The following PTPA variants were observed in gnomAD, a reference collection of about 807,000 sequenced individuals.
PTPA encodes protein phosphatase 2 phosphatase activator, also known as serine/threonine-protein phosphatase 2A activator.
In PTPA, 13 loss-of-function variants were observed where a neutral mutation model predicts 43.6. The ratio of observed to expected loss-of-function variants is 0.30; its 90% CI spans 0.19 to 0.47. PTPA has a LOEUF of 0.47. Ranked by LOEUF, PTPA falls within the 20% of genes least tolerant of loss-of-function variation. The probability of loss-of-function intolerance (pLI) is 0.99; values close to 1 mark genes in which losing one functional copy is unlikely to be tolerated. For synonymous variants in PTPA, 172 were observed against 158.2 expected (o/e 1.09, Z -0.66); for missense variants, 329 against 411.9 (o/e 0.80, Z 1.74).
At position 129,111,495 on chromosome 9, in the gene PTPA, A is replaced by G; in HGVS notation, c.-106A>G. The G allele has an allele frequency of 1.6e-6, 2 of 1,265,368 alleles. No individual in the cohort carries two copies. The highest frequency in any genetic ancestry group is 6.8e-5 in the South Asian group (2 of 29,552). 78.4% of individuals were successfully genotyped at this position (1,265,368 alleles called of 1,614,324 possible). ...AGCCGGCCGGCGCTCACTTGTCTTC[A>G]GGAAGCTCGGAGCCTTTGGTGGAGC... On this transcript the variant is annotated 5_prime_UTR_variant, in exon 1 of 10. Coordinates refer to ENST00000393370, the MANE Select transcript of PTPA (RefSeq NM_178000.3).
chr9:129,146,112 G>A (rs1000704542), intron 9 of PTPA, among the ~76,000 whole-genome samples: 1 of 138,890 alleles, frequency 7.2e-6, no homozygotes, highest in Non-Finnish European at 1.7e-5. Context: ...CTTGGGGGGT[G>A]GGGGGGCTCT....
In PTPA at chr9:129,134,711, T is replaced by C. The variant is rs1467569139; in HGVS notation, c.461-84T>C. 7.2e-6 allele frequency: 8 copies of C among 1,116,870 alleles called. No homozygotes were observed. In the Admixed American group the frequency reaches 1.4e-4, roughly 19 times the overall value. 69.2% of individuals were successfully genotyped at this position (1,116,870 alleles called of 1,614,324 possible). On this transcript the variant is annotated intron_variant, in intron 5 of 9. Transcript: ENST00000393370. ...ACCACCCTCCTCAGAGGGGCACTTA[T>C]CAATGATTCGGATTCTGGGAGACTA...
chr9:129,143,018 C>A, intron 9 of PTPA: 1 of 1,097,092 alleles, frequency 9.1e-7, no homozygotes, highest in Non-Finnish European at 1.3e-6. Flanking sequence ...TGAGGGTAGG[C>A]CGAGAATTGG....
chr9:129,114,219 C>A (rs772161836), intron 1 of PTPA, among the ~76,000 whole-genome samples: 1 of 152,142 alleles, frequency 6.6e-6, no homozygotes, highest in Non-Finnish European at 1.5e-5. Flanking sequence ...GATGGGATTT[C>A]GCCGTGTGGG....
chr9:129,136,036 C>T lies in PTPA; in HGVS notation c.561-435C>T, dbSNP rs188674473. ...AGGCTGGAGTGCAGTGGAGAGATCT[C>T]GGCTCACTGCAAGCTCTGCCTCCTG... is the stretch of plus-strand genomic sequence containing the variant. On this transcript the variant is annotated intron_variant, in intron 6 of 9. Transcript: ENST00000393370. Among the ~76,000 whole-genome samples, 346 of 152,046 alleles carry T rather than the reference C, an allele frequency of 2.3e-3. 3 individuals are homozygous for T. The highest frequency in any genetic ancestry group is 6.8e-3 in the African/African-American group (280 of 41,464).
chr9:129,135,698 C>T (rs1029943772), intron 6 of PTPA, among the ~76,000 whole-genome samples: 4 of 152,236 alleles, frequency 2.6e-5, no homozygotes, highest in African/African-American at 7.2e-5. Context: ...ATCCCCATTG[C>T]GGGCCCCAGT....
In PTPA at chr9:129,121,087, C is replaced by T. The variant is rs17508763; in HGVS notation, c.129+477C>T. Among the ~76,000 whole-genome samples the T allele has an allele frequency of 2.1e-3, 316 of 152,338 alleles. 1 individual carries two copies. The highest frequency in any genetic ancestry group is 7.4e-3 in the African/African-American group (306 of 41,578). ...ACTGGGCACAGACTGGCTTTCTCTGCTGCTCAGCTGAAATGATGGGCAGAA... is the reference window on the plus strand; with the variant it reads ...ACTGGGCACAGACTGGCTTTCTCTGTTGCTCAGCTGAAATGATGGGCAGAA... On this transcript the variant is annotated intron_variant, in intron 2 of 9. Transcript: ENST00000393370.
At chr9:129,122,185 C>T (rs779286748) in intron 2 of PTPA, among the ~76,000 whole-genome samples, 2 of 152,096 alleles carry the variant, frequency 1.3e-5, no homozygotes, top group African/African-American at 4.8e-5. Flanking sequence ...TCTCTGCAGC[C>T]TCCACCTCTT....
chr9:129,144,225 A>AAC (rs1851123978), intron 9 of PTPA, among the ~76,000 whole-genome samples: 2 of 151,806 alleles, frequency 1.3e-5, no homozygotes, highest in African/African-American at 4.8e-5. Context: ...GTGTGGCAGG[A>AAC]ACACAGGGAC....
chr9:129,125,538 CG>C (rs1204839788), intron 3 of PTPA, among the ~76,000 whole-genome samples: 1 of 152,144 alleles, frequency 6.6e-6, no homozygotes, highest in African/African-American at 2.4e-5. Context: ...CTGCTGCGCC[CG>C]GCCCAGGTAT....
intron 4 of PTPA, among the ~76,000 whole-genome samples, chr9:129,129,720 C>T (rs950239287): frequency 2.6e-5 from 4 of 152,118 alleles, no homozygotes; most frequent in South Asian, 2.1e-4. Flanking sequence ...CCGCCCATCT[C>T]GGCCTCCCAA....
chr9:129,143,092 C>T, intron 9 of PTPA: 1 of 679,414 alleles, frequency 1.5e-6, no homozygotes, highest in Non-Finnish European at 2.4e-6. Context: ...AAATCAGATG[C>T]TGAGGAGAGG....
intron 3 of PTPA, chr9:129,128,126 A>T (rs1849703574): frequency 8.4e-7 from 1 of 1,184,676 alleles, no homozygotes; most frequent in Admixed American, 2.3e-5. Flanking sequence ...AGAGTTAGTC[A>T]CTTGCTCAAG....
intron 9 of PTPA, among the ~76,000 whole-genome samples, chr9:129,145,010 GCAACAGTGTGAGACTCCGTCT>G (rs895155485): frequency 6.6e-5 from 10 of 152,046 alleles, no homozygotes; most frequent in Admixed American, 6.6e-5. Context: ...TCCAGCCTGG[GCAACAGTGTGAGACTCCGTCT>G]CAAAGAAAAA....
intron 3 of PTPA, among the ~76,000 whole-genome samples, chr9:129,124,610 G>C (rs574829118): frequency 6.6e-6 from 1 of 152,352 alleles, no homozygotes; most frequent in South Asian, 2.1e-4. Context: ...GGCAGATACT[G>C]ATTGGCAGGT....
chr9:129,141,783 C>T (rs1049052369), intron 8 of PTPA: 1 of 152,398 alleles, frequency 6.6e-6, no homozygotes, highest in Admixed American at 6.5e-5. Flanking sequence ...TCAGGCACCC[C>T]TGCCTCCCAT....
At chr9:129,143,558 G>A (rs1341256713) in intron 9 of PTPA, 6 of 652,092 alleles carry the variant, frequency 9.2e-6, no homozygotes, top group Non-Finnish European at 1.7e-5. Flanking sequence ...CGGGGTGGGG[G>A]AGCACAGATG....
At chr9:129,123,269 C>G (rs913811740) in intron 3 of PTPA, 131 bp downstream of exon 3, 5 of 660,570 alleles carry the variant, frequency 7.6e-6, no homozygotes, top group East Asian at 5.8e-5. Flanking sequence ...GTCAGGAGAT[C>G]GAGACCATCC....
At chr9:129,120,180 C>T (rs1489542411) in intron 1 of PTPA, among the ~76,000 whole-genome samples, 2 of 152,080 alleles carry the variant, frequency 1.3e-5, no homozygotes, top group African/African-American at 4.8e-5. Flanking sequence ...ATCGCTTGAA[C>T]CCGGGAGGCA....
Sources: allele counts gnomAD v4.1 joint callset (sites outside exome capture counted in the v4.1 genomes callset), GRCh38; gene constraint gnomAD v4.1.1; transcripts MANE v1.5; gene names NCBI Gene and HGNC (gene_info 2026-07-23, HGNC 2026-07-21).